Variants in COL26A1 observed in about 807,000 individuals in gnomAD.
The protein encoded by COL26A1 is collagen alpha-1(XXVI) chain.
COL26A1 carries 41 observed loss-of-function variants against 59.3 expected under a neutral mutation model. That is an observed-to-expected ratio of 0.69 (90% CI 0.54 to 0.90). The LOEUF (loss-of-function observed/expected upper bound fraction) is 0.90, where lower values mean the gene tolerates loss of function less well. Among genes scored for constraint, COL26A1 ranks in the 40% least tolerant of loss-of-function variants. The probability of loss-of-function intolerance (pLI) is 0.00; values close to 1 mark genes in which losing one functional copy is unlikely to be tolerated. For synonymous variants in COL26A1, 266 were observed against 256.0 expected (o/e 1.04, Z -0.37); for missense variants, 612 against 602.3 (o/e 1.02, Z -0.17).
At chr7:101,492,321 G>A (rs1399684758) in intron 3 of COL26A1, among the ~76,000 whole-genome samples, 1 of 152,152 alleles carries the variant, frequency 6.6e-6, no homozygotes, top group African/African-American at 2.4e-5. Context: ...CTCTAGGTAT[G>A]AGGTGTGGTG....
intron 3 of COL26A1, among the ~76,000 whole-genome samples, chr7:101,449,929 G>A (rs376811682): frequency 4.7e-4 from 71 of 152,092 alleles, no homozygotes; most frequent in African/African-American, 1.7e-3. Context: ...TTCGAGACCA[G>A]CCTGACCAAC....
At chr7:101,393,649 G>A (rs1791784352) in intron 1 of COL26A1, among the ~76,000 whole-genome samples, 1 of 152,182 alleles carries the variant, frequency 6.6e-6, no homozygotes, top group Non-Finnish European at 1.5e-5. Context: ...GTTTCATCAT[G>A]TTGGCTGGGC....
chr7:101,528,229 T>A (rs1196822975), intron 3 of COL26A1, among the ~76,000 whole-genome samples: 1 of 152,148 alleles, frequency 6.6e-6, no homozygotes, highest in Non-Finnish European at 1.5e-5. Context: ...CCCAGCATAA[T>A]TTCCAGAAAT....
Position 101,522,142 on chromosome 7 carries a change from T to C in COL26A1, c.386-10940T>C, listed in dbSNP as rs372931380. 1.8e-4 allele frequency among the ~76,000 whole-genome samples: 27 copies of C among 152,286 alleles called. 4 individuals are homozygous for C. Among genetic ancestry groups the C allele is most frequent in the Admixed American group, 1.2e-3 (18 of 15,294 alleles). ...AATGAATTTCGTGCCTGTCTTGTTC[T>C]CTCATCTAGAAGTGGCTCCCAACCC... On this transcript the variant is annotated intron_variant, in intron 3 of 12. Transcript: ENST00000313669.
intron 2 of COL26A1, among the ~76,000 whole-genome samples, chr7:101,423,622 C>T (rs1792576384): frequency 6.6e-6 from 1 of 151,848 alleles, no homozygotes; most frequent in African/African-American, 2.4e-5. Flanking sequence ...GTAATCCCAG[C>T]TACTTGGGAG....
At chr7:101,370,530 C>T (rs1470849947) in intron 1 of COL26A1, among the ~76,000 whole-genome samples, 3 of 151,998 alleles carry the variant, frequency 2.0e-5, no homozygotes, top group Admixed American at 6.6e-5. Flanking sequence ...ACCACCATGC[C>T]TGGCTAATTT....
At chr7:101,553,856 C>A (rs978851619) in intron 11 of COL26A1, among the ~76,000 whole-genome samples, 1 of 151,944 alleles carries the variant, frequency 6.6e-6, no homozygotes, top group Non-Finnish European at 1.5e-5. Context: ...AACTGGGAAT[C>A]TGAGGAGAGA....
intron 5 of COL26A1, 63 bp downstream of exon 5, chr7:101,540,112 C>T (rs924402722): frequency 2.0e-6 from 3 of 1,518,496 alleles, no homozygotes; most frequent in Non-Finnish European, 2.7e-6. Context: ...CATGGCCTCC[C>T]AGGGCCTCCC....
intron 2 of COL26A1, among the ~76,000 whole-genome samples, chr7:101,429,835 CA>C (rs1416207872): frequency 1.3e-5 from 2 of 151,918 alleles, no homozygotes; most frequent in Non-Finnish European, 2.9e-5. Context: ...TGGCCTCAAG[CA>C]GTCCTCCTGC....
At chr7:101,376,187 T>C (rs1421795299) in intron 1 of COL26A1, among the ~76,000 whole-genome samples, 2 of 149,078 alleles carry the variant, frequency 1.3e-5, no homozygotes, top group Non-Finnish European at 3.0e-5. Context: ...TGTTGAATGC[T>C]TATAGTCCCA....
chr7:101,427,511 A>C, intron 2 of COL26A1, among the ~76,000 whole-genome samples: 1 of 152,070 alleles, frequency 6.6e-6, no homozygotes, highest in Non-Finnish European at 1.5e-5. Context: ...ATAATACAAA[A>C]ATTAGTCAGG....
chr7:101,512,996 T>TTTATTATTATTATTATTA (rs60374143), intron 3 of COL26A1, among the ~76,000 whole-genome samples: 2 of 149,500 alleles, frequency 1.3e-5, no homozygotes, highest in African/African-American at 4.9e-5. Flanking sequence ...TTTTTACAAT[T>TTTATTATTATTATTATTA]TTATTATTAT....
intron 1 of COL26A1, among the ~76,000 whole-genome samples, chr7:101,385,367 G>GTGTATATATATATATATA (rs896826101): frequency 4.2e-4 from 57 of 137,040 alleles, no homozygotes; most frequent in Non-Finnish European, 5.9e-4. Flanking sequence ...ATATATGTGT[G>GTGTATATATATATATATA]TATATATATA....
At chr7:101,468,496 C>G (rs115660720) in intron 3 of COL26A1, among the ~76,000 whole-genome samples, 1 of 151,998 alleles carries the variant, frequency 6.6e-6, no homozygotes, top group Non-Finnish European at 1.5e-5. Flanking sequence ...GGAAGGGGCA[C>G]CTTGGAGGTC....
At chr7:101,391,289 C>T (rs1051421956) in intron 1 of COL26A1, among the ~76,000 whole-genome samples, 10 of 152,086 alleles carry the variant, frequency 6.6e-5, no homozygotes, top group African/African-American at 1.4e-4. Context: ...TGGAAGCATC[C>T]GGGCCTGGCC....
At chr7:101,455,503 C>CTTTTCTT (rs755335381) in intron 3 of COL26A1, among the ~76,000 whole-genome samples, 3 of 116,570 alleles carry the variant, frequency 2.6e-5, no homozygotes, top group African/African-American at 1.0e-4. Context: ...CTTTTCTTTT[C>CTTTTCTT]TTTTTTTTTT....
Position 101,501,104 on chromosome 7 carries a change from T to C in COL26A1, c.386-31978T>C, listed in dbSNP as rs919031335. Among the ~76,000 whole-genome samples, 4 of 148,936 alleles carry C rather than the reference T, an allele frequency of 2.7e-5. No individual in the cohort carries two copies. The East Asian group carries it at 7.9e-4, about 30-fold the overall frequency. On this transcript the variant is annotated intron_variant, in intron 3 of 12. Coordinates refer to ENST00000313669, the MANE Select transcript of COL26A1 (RefSeq NM_001278563.3). ...GGGAGGCTGAGGCAGGAGAATCGCT[T>C]GTACTGGGAAGGCGGAGGTTGCAGT...
At chr7:101,363,688 CA>C (rs551123878) in intron 1 of COL26A1, among the ~76,000 whole-genome samples, 181 of 151,930 alleles carry the variant, frequency 1.2e-3, no homozygotes, top group African/African-American at 3.7e-3. Flanking sequence ...TGGCCGCGCC[CA>C]CCCTGTCCCT....
chr7:101,529,493 T>A (rs1290638292), intron 3 of COL26A1, among the ~76,000 whole-genome samples: 1 of 152,106 alleles, frequency 6.6e-6, no homozygotes, highest in Non-Finnish European at 1.5e-5. Flanking sequence ...GGTCTCGAAC[T>A]CCTGATCCTC....
Sources: gnomAD v4.1 joint callset for allele counts (sites outside exome capture counted in the v4.1 genomes callset) on GRCh38, gnomAD v4.1.1 for gene constraint, MANE v1.5 for transcripts, NCBI Gene and HGNC (gene_info 2026-07-23, HGNC 2026-07-21) for gene names.